TMEM233: variants seen among roughly 807,000 people sequenced by gnomAD.
TMEM233 encodes the protein transmembrane protein 233.
TMEM233 carries 6 observed loss-of-function variants against 11.2 expected under a neutral mutation model. The observed-to-expected ratio is 0.54, with a 90% confidence interval of 0.29 to 1.06. The LOEUF is 1.06. TMEM233 is among the 50% of genes least tolerant of loss of function. The pLI is 0.08. For synonymous variants in TMEM233, 59 were observed against 55.8 expected (o/e 1.06, Z -0.26); for missense variants, 127 against 144.7 (o/e 0.88, Z 0.63).
chr12:119,594,061 C>T lies in TMEM233; in HGVS notation c.186+27C>T, dbSNP rs1953974429. 1 of 1,549,176 alleles carries T rather than the reference C, an allele frequency of 6.5e-7. No individual in the cohort carries two copies. The highest frequency in any genetic ancestry group is 2.4e-5 in the East Asian group (1 of 40,874). ...TGAGTGAATCACGGCCAGAGGCAGC[C>T]TGGGAGGAGAGACCCGGGCGGCTTT... On this transcript the variant is annotated intron_variant, in intron 1 of 2. Transcript: ENST00000426426. The surrounding 1 kb of genome is among the most constrained non-coding windows in gnomAD (Gnocchi z 5.6).
intron 2 of TMEM233, among the ~76,000 whole-genome samples, chr12:119,638,509 C>G (rs1240472924): frequency 6.6e-6 from 1 of 152,052 alleles, no homozygotes; most frequent in Non-Finnish European, 1.5e-5. Context: ...CCAGGGCCCA[C>G]CCTGGACCAA....
At chr12:119,603,719 G>T (rs1031283861) in intron 1 of TMEM233, among the ~76,000 whole-genome samples, 2 of 152,138 alleles carry the variant, frequency 1.3e-5, no homozygotes, top group Non-Finnish European at 2.9e-5. Flanking sequence ...ATTTGTGTAT[G>T]TGAGGCCCTT....
chr12:119,644,074 A>C (rs367700032), downstream of TMEM233, among the ~76,000 whole-genome samples: 1 of 152,204 alleles, frequency 6.6e-6, no homozygotes, highest in Non-Finnish European at 1.5e-5. Context: ...CAGGGGGGAA[A>C]AATGGTTCAA....
In TMEM233 at chr12:119,629,797, A is replaced by T. The variant is rs371582871; in HGVS notation, c.248A>T (p.Lys83Met). The part of the protein sequence containing the change: ...EGARRLGRNA[K>M]WVAIASIIIG... ...GCCAGGCGGCTTGGGCGGAATGCTA[A>T]GTGGGTAGCCATCGCCTCCATCATC... The change falls in exon 2 of 3, where the codon AAG (lysine) becomes ATG (methionine). Residue 83 changes from lysine to methionine, a missense_variant. Coordinates refer to ENST00000426426, the MANE Select transcript of TMEM233 (RefSeq NM_001136534.3). 281 of 1,551,568 alleles carry T rather than the reference A, an allele frequency of 1.8e-4. No homozygotes were observed. Among genetic ancestry groups the T allele is most frequent in the Non-Finnish European group, 2.3e-4 (265 of 1,146,992 alleles).
intron 2 of TMEM233, 112 bp downstream of exon 2, chr12:119,629,984 G>A: frequency 1.6e-5 from 19 of 1,178,720 alleles, no homozygotes; most frequent in Non-Finnish European, 2.1e-5. Flanking sequence ...AAGCCAAAGG[G>A]TTTTCATGTT....
chr12:119,632,534 A>G (rs997810092), intron 2 of TMEM233, among the ~76,000 whole-genome samples: 14 of 152,192 alleles, frequency 9.2e-5, no homozygotes, highest in African/African-American at 3.4e-4. Context: ...AGTCAGGGCT[A>G]AGGTTCACAA....
chr12:119,628,792 G>A (rs558585320), intron 1 of TMEM233, among the ~76,000 whole-genome samples: 7 of 151,836 alleles, frequency 4.6e-5, no homozygotes, highest in Admixed American at 2.0e-4. Context: ...GAGCCACCAC[G>A]CCCGGCCCAC....
chr12:119,652,023 CA>C, the TMEM233 span, among the ~76,000 whole-genome samples: 1 of 151,698 alleles, frequency 6.6e-6, no homozygotes, highest in African/African-American at 2.4e-5. Flanking sequence ...ATCAGACTAC[CA>C]AAAAAATTTA....
intron 1 of TMEM233, among the ~76,000 whole-genome samples, chr12:119,599,666 G>GAGGT (rs1001642268): frequency 1.3e-5 from 2 of 152,152 alleles, no homozygotes; most frequent in African/African-American, 4.8e-5. Flanking sequence ...TCAGAAATTG[G>GAGGT]AGGTACCAGC....
intron 1 of TMEM233, among the ~76,000 whole-genome samples, chr12:119,601,776 G>A (rs1002357331): frequency 4.0e-5 from 6 of 151,306 alleles, no homozygotes; most frequent in Non-Finnish European, 8.8e-5. Flanking sequence ...GAAAAATAAA[G>A]ACATTTCCAG....
intron 1 of TMEM233, 42 bp from the exon 2 acceptor site, chr12:119,629,694 T>G: frequency 2.0e-6 from 3 of 1,525,052 alleles, no homozygotes; most frequent in South Asian, 1.3e-5. Context: ...CCTTTCCCTG[T>G]GGGTTATCTG....
downstream of TMEM233, among the ~76,000 whole-genome samples, chr12:119,645,484 A>G (rs1955138540): frequency 6.6e-6 from 1 of 152,226 alleles, no homozygotes; most frequent in South Asian, 2.1e-4. Flanking sequence ...GGACAAGCAC[A>G]AAGAGAGGCA....
Position 119,637,794 on chromosome 12 carries a change from A to G in TMEM233, c.324-2905A>G, listed in dbSNP as rs75100481. Among the ~76,000 whole-genome samples the G allele has an allele frequency of 5.3e-5, 8 of 152,358 alleles. No homozygotes were observed. The East Asian group carries it at 1.5e-3, about 29-fold the overall frequency. ...GGAAAAGGATATAAGCTAGCAGCGC[A>G]TTGATGAAGAAATCAGAATGAACAT... On this transcript the variant is annotated intron_variant, in intron 2 of 2. Coordinates refer to ENST00000426426, the MANE Select transcript of TMEM233 (RefSeq NM_001136534.3).
At chr12:119,644,558 A>G (rs1236485671), downstream of TMEM233, among the ~76,000 whole-genome samples, 1 of 148,964 alleles carries the variant, frequency 6.7e-6, no homozygotes, top group Admixed American at 6.8e-5. Context: ...GCTCACTGCA[A>G]CCTCCACCTC....
Position 119,628,164 on chromosome 12 carries a change from A to AT in TMEM233, c.187-1567dup, listed in dbSNP as rs552217837. On this transcript the variant is annotated intron_variant, in intron 1 of 2. Coordinates refer to ENST00000426426, the MANE Select transcript of TMEM233 (RefSeq NM_001136534.3). ...GCTGCTTTTATATTTTATTTTTTTT[A>AT]TTTTTATTTTTGAGACGGAGTTTCA... Among the ~76,000 whole-genome samples, 790 of 149,442 alleles carry AT rather than the reference A, an allele frequency of 5.3e-3. 5 individuals carry two copies. Among genetic ancestry groups the AT allele is most frequent in the Admixed American group, 0.014 (217 of 15,004 alleles).
intron 2 of TMEM233, among the ~76,000 whole-genome samples, chr12:119,639,469 A>AAG (rs1286421067): frequency 1.3e-5 from 2 of 150,740 alleles, no homozygotes; most frequent in Admixed American, 1.3e-4. Context: ...TAGAAAAAAA[A>AAG]AAATTAGCTG....
At chr12:119,609,014 T>C (rs375819397) in intron 1 of TMEM233, among the ~76,000 whole-genome samples, 1 of 152,094 alleles carries the variant, frequency 6.6e-6, no homozygotes, top group African/African-American at 2.4e-5. Context: ...TGGAAATGGA[T>C]AACAGGCAGA....
intron 1 of TMEM233, among the ~76,000 whole-genome samples, chr12:119,621,044 CTTT>C (rs3078447): frequency 2.3e-3 from 271 of 120,402 alleles, no homozygotes; most frequent in East Asian, 4.4e-3. Context: ...CCATACCTGG[CTTT>C]TTTTTTTTTT....
chr12:119,600,724 A>G (rs1954145998), intron 1 of TMEM233, among the ~76,000 whole-genome samples: 1 of 152,210 alleles, frequency 6.6e-6, no homozygotes, highest in Non-Finnish European at 1.5e-5. Flanking sequence ...CTTATATGAA[A>G]TACCTAGAGT....
Sources: gnomAD v4.1 joint callset for allele counts (sites outside exome capture counted in the v4.1 genomes callset) on GRCh38, gnomAD v4.1.1 for gene constraint, Gnocchi (gnomAD v3.1) non-coding constraint, MANE v1.5 for transcripts, NCBI Gene and HGNC (gene_info 2026-07-23, HGNC 2026-07-21) for gene names.